KIAA0825: variants seen among roughly 807,000 people sequenced by gnomAD.
KIAA0825 encodes the protein KIAA0825.
In KIAA0825, 119 loss-of-function variants were observed where a neutral mutation model predicts 147.6. The ratio of observed to expected loss-of-function variants is 0.81; its 90% confidence interval spans 0.69 to 0.94. The LOEUF is 0.94. KIAA0825 is among the 40% of genes least tolerant of loss of function. The pLI, the probability that KIAA0825 is intolerant of heterozygous loss-of-function variation, is 0.00. For missense variants in KIAA0825, 1,381 were observed against 1,472.7 expected, an observed-to-expected ratio of 0.94 and a Z score of 1.02; for synonymous variants, 470 against 518.1, an observed-to-expected ratio of 0.91 and a Z score of 1.26.
At chr5:94,408,055 T>C (rs907859891) in intron 15 of KIAA0825, among the ~76,000 whole-genome samples, 5 of 152,212 alleles carry the variant, frequency 3.3e-5, no homozygotes, top group Non-Finnish European at 7.3e-5. Flanking sequence ...TATCCACAAA[T>C]AATACGTAAG....
intron 20 of KIAA0825, among the ~76,000 whole-genome samples, chr5:94,334,928 C>G (rs1487057300): frequency 6.6e-6 from 1 of 152,150 alleles, no homozygotes; most frequent in Non-Finnish European, 1.5e-5. Context: ...TCACAGAAAA[C>G]AGAAGGTGTA....
intron 20 of KIAA0825, among the ~76,000 whole-genome samples, chr5:94,170,720 G>A (rs935394806): frequency 1.3e-5 from 2 of 152,154 alleles, no homozygotes; most frequent in Non-Finnish European, 2.9e-5. Context: ...ACACTACAAT[G>A]TTGGGGGATT....
intron 20 of KIAA0825, among the ~76,000 whole-genome samples, chr5:94,319,338 A>G (rs773912178): frequency 4.6e-5 from 7 of 151,858 alleles, no homozygotes; most frequent in Non-Finnish European, 8.8e-5. Flanking sequence ...TCTCAATCCA[A>G]GATGATTTTA....
intron 20 of KIAA0825, among the ~76,000 whole-genome samples, chr5:94,326,199 A>G (rs1393086515): frequency 2.0e-5 from 3 of 152,186 alleles, no homozygotes; most frequent in African/African-American, 7.2e-5. Flanking sequence ...TTCTGTCTCA[A>G]TAAAAAATCA....
At chr5:94,345,326 A>T (rs1012262667) in intron 20 of KIAA0825, among the ~76,000 whole-genome samples, 9 of 152,134 alleles carry the variant, frequency 5.9e-5, no homozygotes, top group East Asian at 1.9e-4. Context: ...TAAAATCTTT[A>T]AAAATAACAT....
intron 15 of KIAA0825, among the ~76,000 whole-genome samples, chr5:94,404,935 C>T (rs1751855175): frequency 6.6e-6 from 1 of 152,026 alleles, no homozygotes; most frequent in Admixed American, 6.6e-5. Context: ...TATTTATGGT[C>T]TTTGTTAGTT....
chr5:94,177,452 T>A (rs1769207571), intron 20 of KIAA0825, among the ~76,000 whole-genome samples: 3 of 152,098 alleles, frequency 2.0e-5, no homozygotes, highest in Admixed American at 6.6e-5. Flanking sequence ...ACCTGGCATT[T>A]CCTGAGAGAT....
intron 20 of KIAA0825, among the ~76,000 whole-genome samples, chr5:94,258,958 T>C (rs1776368059): frequency 6.6e-6 from 1 of 152,078 alleles, no homozygotes. Flanking sequence ...GGTTGGTATG[T>C]AATGTAGTTC....
intron 20 of KIAA0825, among the ~76,000 whole-genome samples, chr5:94,229,978 G>A (rs1435239206): frequency 6.6e-6 from 1 of 151,902 alleles, no homozygotes; most frequent in Non-Finnish European, 1.5e-5. Flanking sequence ...TTTGCCTCAA[G>A]CATTTAGGCT....
intron 20 of KIAA0825, among the ~76,000 whole-genome samples, chr5:94,234,903 A>G (rs937975558): frequency 5.9e-5 from 9 of 152,182 alleles, no homozygotes; most frequent in Non-Finnish European, 1.0e-4. Context: ...TTGCAGGGGC[A>G]TCAACTGCGC....
intron 20 of KIAA0825, among the ~76,000 whole-genome samples, chr5:94,270,940 C>T (rs1344156944): frequency 2.0e-5 from 3 of 152,026 alleles, no homozygotes; most frequent in African/African-American, 4.8e-5. Context: ...AATAATATTT[C>T]CCCCAAACTC....
intron 20 of KIAA0825, among the ~76,000 whole-genome samples, chr5:94,163,577 A>G (rs1767768097): frequency 6.6e-6 from 1 of 152,156 alleles, no homozygotes; most frequent in African/African-American, 2.4e-5. Flanking sequence ...TGTAAAGAGG[A>G]TGTTATTATA....
intron 20 of KIAA0825, among the ~76,000 whole-genome samples, chr5:94,199,381 C>G (rs1260812510): frequency 1.3e-5 from 2 of 152,194 alleles, no homozygotes; most frequent in East Asian, 3.9e-4. Context: ...GCTTTGTTCT[C>G]TGGTCCCTCA....
chr5:94,563,830 GC>G (rs1778045142), intron 2 of KIAA0825, among the ~76,000 whole-genome samples: 1 of 152,072 alleles, frequency 6.6e-6, no homozygotes, highest in African/African-American at 2.4e-5. Context: ...GATTATAGGC[GC>G]CTGCCACCAT....
intron 20 of KIAA0825, among the ~76,000 whole-genome samples, chr5:94,366,405 G>C (rs1745864195): frequency 6.6e-6 from 1 of 152,048 alleles, no homozygotes; most frequent in South Asian, 2.1e-4. Context: ...GCTCTGGGTA[G>C]CCCCTCCTCT....
At chr5:94,432,692 AG>A (rs768747054) in intron 14 of KIAA0825, among the ~76,000 whole-genome samples, 3 of 152,192 alleles carry the variant, frequency 2.0e-5, no homozygotes, top group Non-Finnish European at 4.4e-5. Flanking sequence ...GGGTTATTTT[AG>A]GTCACCTCCT....
chr5:94,550,400 A>G (rs2151432850), intron 2 of KIAA0825, among the ~76,000 whole-genome samples: 1 of 152,122 alleles, frequency 6.6e-6, no homozygotes, highest in Admixed American at 6.5e-5. Context: ...AAAGCACCCC[A>G]CCCAACTGAC....
chr5:94,244,517 C>A (rs963661599), intron 20 of KIAA0825, among the ~76,000 whole-genome samples: 12 of 151,980 alleles, frequency 7.9e-5, no homozygotes, highest in Admixed American at 2.0e-4. Context: ...AAATTTTTTT[C>A]TTGGAGACAA....
intron 20 of KIAA0825, among the ~76,000 whole-genome samples, chr5:94,377,414 C>G (rs1233998772): frequency 2.0e-5 from 3 of 152,164 alleles, no homozygotes; most frequent in Admixed American, 2.0e-4. Context: ...TAAATTTGTT[C>G]CAGTGACAAA....
Sources: gnomAD v4.1 joint callset for allele counts (sites outside exome capture counted in the v4.1 genomes callset) on GRCh38, gnomAD v4.1.1 for gene constraint, MANE v1.5 for transcripts, NCBI Gene and HGNC (gene_info 2026-07-23, HGNC 2026-07-21) for gene names.